TEKT5: variants seen among roughly 807,000 people sequenced by gnomAD.
The protein encoded by TEKT5 is tektin 5.
Under a neutral mutation model 48.7 loss-of-function variants are expected in TEKT5, and 52 were observed. The ratio of observed to expected loss-of-function variants is 1.07; its 90% confidence interval spans 0.86 to 1.35. The LOEUF (loss-of-function observed/expected upper bound fraction) is 1.35, where lower values mean the gene tolerates loss of function less well. Among genes scored for constraint, TEKT5 ranks in the 40% most tolerant of loss-of-function variants. TEKT5 has a pLI of 0.00. For missense variants in TEKT5, 831 were observed against 641.6 expected (o/e 1.30, Z -3.19); for synonymous variants, 318 against 267.6 (o/e 1.19, Z -1.84).
chr16:10,670,528 A>G (rs1898532049), intron 5 of TEKT5, among the ~76,000 whole-genome samples: 1 of 152,238 alleles, frequency 6.6e-6, no homozygotes, highest in African/African-American at 2.4e-5. Flanking sequence ...CAAAAAAAGA[A>G]GAGAGCATTT....
chr16:10,659,425 G>C (rs1258961689), intron 5 of TEKT5, among the ~76,000 whole-genome samples: 1 of 152,052 alleles, frequency 6.6e-6, no homozygotes, highest in Non-Finnish European at 1.5e-5. Context: ...TGTCACACAG[G>C]CTGGAGTGCA....
intron 3 of TEKT5, among the ~76,000 whole-genome samples, chr16:10,688,935 G>C (rs887000168): frequency 6.6e-6 from 1 of 152,214 alleles, no homozygotes; most frequent in Admixed American, 6.5e-5. Context: ...GTTGCCTCTG[G>C]CCAGGGCTCT....
intron 5 of TEKT5, among the ~76,000 whole-genome samples, chr16:10,674,804 A>G (rs914961696): frequency 1.3e-5 from 2 of 151,734 alleles, no homozygotes; most frequent in African/African-American, 4.8e-5. Flanking sequence ...TAGAGACACA[A>G]TAAGAAAGGG....
chr16:10,646,303 C>T (rs533686672), intron 5 of TEKT5, among the ~76,000 whole-genome samples: 1 of 152,258 alleles, frequency 6.6e-6, no homozygotes, highest in South Asian at 2.1e-4. Context: ...AGCTTCCCCC[C>T]AGTGACTCTT....
chr16:10,674,502 G>A (rs112578429), intron 5 of TEKT5, among the ~76,000 whole-genome samples: 7,009 of 151,334 alleles, frequency 0.046, 496 homozygotes, highest in African/African-American at 0.16. Context: ...AGGTGTGGTG[G>A]CACGCACACG....
chr16:10,671,466 G>A (rs922719193), intron 5 of TEKT5, among the ~76,000 whole-genome samples: 2 of 152,204 alleles, frequency 1.3e-5, no homozygotes, highest in African/African-American at 4.8e-5. Context: ...GAAAAAGAAG[G>A]AAATTCTGAC....
intron 5 of TEKT5, among the ~76,000 whole-genome samples, chr16:10,650,931 G>T (rs1436760065): frequency 6.6e-6 from 1 of 151,392 alleles, no homozygotes; most frequent in African/African-American, 2.4e-5. Context: ...GGCAGCCCCT[G>T]CTTGTGCACT....
At chr16:10,642,653 T>C (rs1440451601) in intron 5 of TEKT5, among the ~76,000 whole-genome samples, 4 of 152,218 alleles carry the variant, frequency 2.6e-5, no homozygotes, top group African/African-American at 9.6e-5. Context: ...CTTAGCCTAT[T>C]GTAAGAATCA....
chr16:10,692,998 G>A (rs1018710698), intron 1 of TEKT5: 14 of 152,200 alleles, frequency 9.2e-5, no homozygotes, highest in South Asian at 2.1e-4. Context: ...TGTTACATGC[G>A]GCTAAAAACT....
intron 5 of TEKT5, among the ~76,000 whole-genome samples, chr16:10,651,243 G>A (rs1414953942): frequency 1.3e-5 from 2 of 152,068 alleles, no homozygotes; most frequent in East Asian, 3.9e-4. Flanking sequence ...TTCAGGCTAG[G>A]GCTAAAAAGC....
chr16:10,654,847 G>C (rs1195770844), intron 5 of TEKT5, among the ~76,000 whole-genome samples: 2 of 150,318 alleles, frequency 1.3e-5, no homozygotes, highest in African/African-American at 4.9e-5. Flanking sequence ...TATTGCTTCT[G>C]TTTCTCTGGA....
At chr16:10,656,833 T>G (rs1898270237) in intron 5 of TEKT5, among the ~76,000 whole-genome samples, 1 of 151,420 alleles carries the variant, frequency 6.6e-6, no homozygotes, top group South Asian at 2.1e-4. Flanking sequence ...TTTGATCTCC[T>G]GGGCTCAAGT....
intron 2 of TEKT5, among the ~76,000 whole-genome samples, 168 bp downstream of exon 2, chr16:10,689,774 C>A (rs1420233748): frequency 6.6e-6 from 1 of 151,974 alleles, no homozygotes; most frequent in Non-Finnish European, 1.5e-5. Context: ...TCCATTACTC[C>A]CTGTTCCTAA....
intron 5 of TEKT5, among the ~76,000 whole-genome samples, chr16:10,654,498 G>C (rs756351109): frequency 1.3e-5 from 2 of 152,198 alleles, no homozygotes; most frequent in Non-Finnish European, 2.9e-5. Flanking sequence ...TTGAATTGAT[G>C]AACTCTGCGG....
chr16:10,647,686 C>G (rs111921029), intron 5 of TEKT5, among the ~76,000 whole-genome samples: 145 of 152,284 alleles, frequency 9.5e-4, no homozygotes, highest in Admixed American at 7.8e-4. Flanking sequence ...AGGGCTCAGT[C>G]AGCCTGTGAT....
intron 5 of TEKT5, among the ~76,000 whole-genome samples, chr16:10,655,638 G>A (rs561812453): frequency 8.5e-5 from 13 of 152,284 alleles, no homozygotes; most frequent in Non-Finnish European, 4.4e-5. Flanking sequence ...TCTAGCCAGT[G>A]GAAAGGAATC....
chr16:10,694,411 G>T lies in TEKT5; in HGVS notation c.463C>A (p.Leu155Met). The T allele has an allele frequency of 6.2e-7, 1 of 1,614,142 alleles. No homozygotes were observed. The highest frequency in any genetic ancestry group is 8.5e-7 in the Non-Finnish European group (1 of 1,180,042). Residue 155 changes from leucine (L) to methionine (M), a missense_variant, in exon 1 of 7, where the codon CTG becomes ATG. By Grantham distance (15) the Leu-to-Met change is conservative. Transcript: ENST00000283025. ...AGAAGCCTGTCCAGCTCATAGCTCA[G>T]CTCTGACTTCCAGAAGCCAATGTCC... ...LSDIGFWKSE[L>M]SYELDRLLTE...
chr16:10,644,353 C>T (rs774730801), intron 5 of TEKT5, among the ~76,000 whole-genome samples: 7 of 152,174 alleles, frequency 4.6e-5, no homozygotes, highest in Non-Finnish European at 1.0e-4. Context: ...AGGCTTGAAA[C>T]CCTAAAGTCA....
rs2541499 is a variant in TEKT5, at chr16:10,679,125, T to C, written c.863+2868A>G. 1.7e-3 allele frequency among the ~76,000 whole-genome samples: 263 copies of C among 152,228 alleles called. 1 individual carries two copies. Among genetic ancestry groups the C allele is most frequent in the African/African-American group, 6.1e-3 (252 of 41,514 alleles). ...GGTACCAACCCCCAGGGTTGCTGAG[T>C]GTTTAAATGTGAAGTCCTTGTCATG... On this transcript the variant is annotated intron_variant, in intron 4 of 6. Coordinates refer to ENST00000283025, the MANE Select transcript of TEKT5 (RefSeq NM_144674.2).
Sources: gnomAD v4.1 joint callset for allele counts (sites outside exome capture counted in the v4.1 genomes callset) on GRCh38, gnomAD v4.1.1 for gene constraint, MANE v1.5 for transcripts, NCBI Gene and HGNC (gene_info 2026-07-23, HGNC 2026-07-21) for gene names.